The following MYO9A variants were observed in gnomAD, a reference collection of about 807,000 sequenced individuals.
The protein encoded by MYO9A is unconventional myosin-IXa.
In MYO9A, 103 loss-of-function variants were observed where a neutral mutation model predicts 293.3. That is an observed-to-expected ratio of 0.35 (90% CI 0.30 to 0.41). MYO9A has a LOEUF of 0.41. MYO9A is among the 10% of genes least tolerant of loss of function. The pLI is 1.00. For missense variants in MYO9A, 2,685 were observed against 3,033.0 expected (o/e 0.89, Z 2.69); for synonymous variants, 1,001 against 1,035.7 (o/e 0.97, Z 0.64).
chr15:72,059,316 G>A (rs2078813123), intron 1 of MYO9A, among the ~76,000 whole-genome samples: 2 of 152,202 alleles, frequency 1.3e-5, no homozygotes, highest in Non-Finnish European at 2.9e-5. Context: ...AATAAAATGT[G>A]CAAGTCTTCA....
At chr15:71,848,248 G>A (rs2055477278) in intron 39 of MYO9A, among the ~76,000 whole-genome samples, 1 of 151,274 alleles carries the variant, frequency 6.6e-6, no homozygotes, top group South Asian at 2.1e-4. Context: ...GAGAACTGGA[G>A]TTATATGTTA....
chr15:71,895,463 G>A (rs146104905), intron 25 of MYO9A, among the ~76,000 whole-genome samples: 4 of 152,176 alleles, frequency 2.6e-5, no homozygotes, highest in African/African-American at 9.6e-5. Flanking sequence ...ACCCAATGCC[G>A]ATCCTTAATG....
intron 39 of MYO9A, among the ~76,000 whole-genome samples, chr15:71,840,969 T>C (rs2055137660): frequency 6.6e-6 from 1 of 152,210 alleles, no homozygotes; most frequent in Non-Finnish European, 1.5e-5. Context: ...CATTTCTTGT[T>C]AAGTGTGTTC....
intron 20 of MYO9A, among the ~76,000 whole-genome samples, chr15:71,904,660 A>C (rs1429153186): frequency 6.6e-6 from 1 of 152,162 alleles, no homozygotes; most frequent in Admixed American, 6.5e-5. Context: ...CTCAAAACAA[A>C]AACAAAAACA....
intron 10 of MYO9A, among the ~76,000 whole-genome samples, chr15:71,991,776 C>T (rs549403146): frequency 3.7e-4 from 56 of 152,246 alleles, no homozygotes; most frequent in Admixed American, 7.2e-4. Context: ...ATTTTTGAGA[C>T]GGAGTCTCGA....
intron 8 of MYO9A, 118 bp downstream of exon 8, chr15:72,007,708 G>T: frequency 2.2e-6 from 2 of 906,128 alleles, no homozygotes; most frequent in Non-Finnish European, 3.1e-6. Flanking sequence ...TAAAAATAGT[G>T]CCTAATAAAA....
intron 37 of MYO9A, among the ~76,000 whole-genome samples, chr15:71,850,894 G>A (rs2055618230): frequency 1.3e-5 from 2 of 149,306 alleles, no homozygotes; most frequent in East Asian, 4.0e-4. Flanking sequence ...CACTACTCCT[G>A]ACGCCTCTTT....
At chr15:71,859,680 G>A (rs1189784888) in intron 34 of MYO9A, 55 bp downstream of exon 34, 18 of 1,423,272 alleles carry the variant, frequency 1.3e-5, no homozygotes, top group Non-Finnish European at 1.7e-5. Flanking sequence ...ATTTCCATAA[G>A]GCACAAAAGA....
At chr15:71,964,814 G>A (rs1158189230) in intron 13 of MYO9A, among the ~76,000 whole-genome samples, 2 of 151,504 alleles carry the variant, frequency 1.3e-5, no homozygotes, top group Non-Finnish European at 2.9e-5. Context: ...AATTAGCCAG[G>A]CATGGTGGCA....
intron 1 of MYO9A, among the ~76,000 whole-genome samples, chr15:72,115,151 A>T (rs1567057497): frequency 1.3e-5 from 2 of 152,250 alleles, no homozygotes; most frequent in African/African-American, 2.4e-5. Flanking sequence ...TAAGTTTTTT[A>T]AAGGCACTTA....
In MYO9A at chr15:71,978,121, G is replaced by A. The variant is rs2076188165; in HGVS notation, c.1844+50C>T. 3.8e-6 allele frequency: 6 copies of A among 1,596,536 alleles called. No homozygotes were observed. In the Admixed American group the frequency reaches 5.4e-5, roughly 14 times the overall value. ...AGAAAAAAGTTTAAACTTAAAAGGA[G>A]ATAAAAAGCCAAAACAGCCAATAAC... On this transcript the variant is annotated intron_variant, in intron 12 of 41. Coordinates refer to ENST00000356056, the MANE Select transcript of MYO9A (RefSeq NM_006901.4).
intron 8 of MYO9A, among the ~76,000 whole-genome samples, chr15:72,005,404 T>C (rs763417907): frequency 1.6e-4 from 25 of 152,152 alleles, no homozygotes; most frequent in Non-Finnish European, 3.1e-4. Flanking sequence ...ACAGAAGCCC[T>C]GGTTTCTGCT....
intron 2 of MYO9A, among the ~76,000 whole-genome samples, chr15:72,042,166 T>A (rs1241214258): frequency 7.1e-6 from 1 of 140,134 alleles, no homozygotes; most frequent in Non-Finnish European, 1.5e-5. Context: ...TTAGGCATGA[T>A]GGTGCAAGAT....
At chr15:71,890,513 T>G (rs937120104) in intron 26 of MYO9A, 3 of 152,092 alleles carry the variant, frequency 2.0e-5, no homozygotes, top group African/African-American at 7.2e-5. Context: ...AAAACTATCT[T>G]AAAAACAACT....
chr15:72,032,390 C>T (rs374440184), intron 3 of MYO9A, 104 bp downstream of exon 3: 4 of 688,624 alleles, frequency 5.8e-6, no homozygotes, highest in African/African-American at 5.6e-5. Flanking sequence ...AATTTTAATG[C>T]TGACACCAAT....
Position 71,951,829 on chromosome 15 carries a change from T to A in MYO9A, c.2250A>T (p.Pro750=), listed in dbSNP as rs2059058331. The A allele has an allele frequency of 1.9e-6, 3 of 1,613,606 alleles. No homozygotes were observed. In the Admixed American group the frequency reaches 5.0e-5, roughly 27 times the overall value. The part of the protein sequence containing the change: ...SMDSFSFLQH[P]VHQRSLEILQ... ...GAATCTCTAAGCTCCTCTGGTGGAC[T>A]GGGTGTTGGAGAAAGCTAAAACTAT... Residue 750 remains proline, a synonymous_variant, in exon 15 of 42, where the codon CCA becomes CCT. Transcript: ENST00000356056.
chr15:71,834,178 G>A (rs2054843561), intron 39 of MYO9A, among the ~76,000 whole-genome samples: 2 of 152,042 alleles, frequency 1.3e-5, no homozygotes, highest in South Asian at 4.2e-4. Flanking sequence ...GACCCAAAGA[G>A]GATAAGAGAC....
At chr15:71,985,254 C>T (rs1439217659) in intron 11 of MYO9A, among the ~76,000 whole-genome samples, 1 of 152,046 alleles carries the variant, frequency 6.6e-6, no homozygotes, top group Non-Finnish European at 1.5e-5. Context: ...GCTGGTTTGC[C>T]TCCATGTATG....
intron 1 of MYO9A, among the ~76,000 whole-genome samples, chr15:72,107,835 A>G (rs1030278501): frequency 6.6e-6 from 1 of 151,396 alleles, no homozygotes; most frequent in Non-Finnish European, 1.5e-5. Context: ...CTATAATACA[A>G]CAAAAGTCAT....
Sources: allele counts gnomAD v4.1 joint callset (sites outside exome capture counted in the v4.1 genomes callset), GRCh38; gene constraint gnomAD v4.1.1; transcripts MANE v1.5; gene names NCBI Gene and HGNC (gene_info 2026-07-23, HGNC 2026-07-21).